Variants in JAK1 observed in about 807,000 individuals in gnomAD.
JAK1 encodes the protein tyrosine-protein kinase JAK1.
Under a neutral mutation model 136.6 loss-of-function variants are expected in JAK1, and 16 were observed. The observed-to-expected ratio is 0.12, with a 90% CI of 0.08 to 0.18. The LOEUF (loss-of-function observed/expected upper bound fraction) is 0.18, where lower values mean the gene tolerates loss of function less well. JAK1 is among the 10% of genes least tolerant of loss of function. The probability of loss-of-function intolerance (pLI) is 1.00; values close to 1 mark genes in which losing one functional copy is unlikely to be tolerated. For missense variants in JAK1, 859 were observed against 1,450.1 expected (o/e 0.59, Z 6.62); for synonymous variants, 492 against 519.5 (o/e 0.95, Z 0.72).
In JAK1 at chr1:65,043,141, G is replaced by A. The variant is rs148062008; in HGVS notation, c.-78+1339C>T. Among the ~76,000 whole-genome samples, 298 of 152,216 alleles carry A rather than the reference G, an allele frequency of 2.0e-3. 3 individuals carry two copies. Among genetic ancestry groups the A allele is most frequent in the African/African-American group, 6.2e-3 (258 of 41,526 alleles). On this transcript the variant is annotated intron_variant, in intron 2 of 25. Coordinates refer to the JAK1 transcript ENST00000671954. The stretch of plus-strand genomic sequence containing the variant: ...ATGAGACCTGCTGTTTATCCCAATC[G>A]CAGAAATATGAGGACTTGGAGTTAC...
At chr1:64,971,562 C>CT (rs34048219) in intron 2 of JAK1, among the ~76,000 whole-genome samples, 585 of 144,432 alleles carry the variant, frequency 4.1e-3, no homozygotes, top group Non-Finnish European at 5.6e-3. Context: ...CTCTGTCATA[C>CT]TTTTTTTTTT....
chr1:64,966,717 T>G (rs1569776347), upstream of JAK1, among the ~76,000 whole-genome samples: 3 of 134,388 alleles, frequency 2.2e-5, no homozygotes, highest in South Asian at 2.5e-4. Context: ...CCCATCCGGC[T>G]TCGCTCGCGA....
intron 1 of JAK1, among the ~76,000 whole-genome samples, chr1:64,892,347 C>T (rs978402281): frequency 3.9e-5 from 6 of 152,118 alleles, no homozygotes; most frequent in African/African-American, 1.2e-4. Context: ...GTGGCACAAT[C>T]ATGGCTCACT....
chr1:65,065,695 G>C (rs1648009784), intron 1 of JAK1, among the ~76,000 whole-genome samples: 1 of 147,636 alleles, frequency 6.8e-6, no homozygotes, highest in Non-Finnish European at 1.5e-5. Context: ...CGTTTTTTTT[G>C]GCGCTGGAAA....
rs940066597 is a variant in JAK1, at chr1:64,986,034, C to A, written c.-78+58446G>T. Reference sequence around the variant, plus strand: ...AGTGTTGTAGCCAAATTGGAAAGAGCCGATTGTAGCAATTGTGATGGCGAA... The same window carrying A: ...AGTGTTGTAGCCAAATTGGAAAGAGACGATTGTAGCAATTGTGATGGCGAA... On this transcript the variant is annotated intron_variant, in intron 2 of 25. Coordinates refer to the JAK1 transcript ENST00000671954. 3.0e-6 allele frequency: 4 copies of A among 1,338,352 alleles called. No individual in the cohort carries two copies. In the Admixed American group the frequency reaches 5.2e-5, roughly 17 times the overall value. The allele number at this position is 1,338,352 out of a possible 1,614,324, so 82.9% of individuals were successfully genotyped here. A position where few individuals can be genotyped will look rare whatever the true frequency, so the allele number is the denominator to read the frequency against.
chr1:65,065,725 G>A (rs560373823), intron 1 of JAK1, among the ~76,000 whole-genome samples: 1 of 150,692 alleles, frequency 6.6e-6, no homozygotes, highest in Non-Finnish European at 1.5e-5. Context: ...GGCCAGGGTG[G>A]GGCCTGGGGA....
chr1:65,023,907 T>C (rs1431664202), intron 2 of JAK1, among the ~76,000 whole-genome samples: 2 of 147,212 alleles, frequency 1.4e-5, no homozygotes, highest in Non-Finnish European at 3.0e-5. Context: ...TGGTTCTAGA[T>C]TCATCCTTTT....
intron 1 of JAK1, among the ~76,000 whole-genome samples, chr1:64,928,778 C>CAAAAAA (rs1183218798): frequency 0.013 from 805 of 61,118 alleles, 101 homozygotes; most frequent in Non-Finnish European, 0.022. Flanking sequence ...TAAAACTCTG[C>CAAAAAA]AAAAAAAAAA....
At chr1:64,985,535 T>C (rs966769989) in intron 2 of JAK1, 13 of 1,400,656 alleles carry the variant, frequency 9.3e-6, no homozygotes, top group African/African-American at 4.2e-5. Context: ...GAAAGCCTAA[T>C]AGCACAGGCC....
intron 2 of JAK1, among the ~76,000 whole-genome samples, chr1:64,986,768 T>C (rs1366289122): frequency 6.6e-6 from 1 of 151,888 alleles, no homozygotes; most frequent in East Asian, 1.9e-4. Context: ...CCCAGCTACT[T>C]GGGAGGCTGA....
chr1:64,901,000 A>G (rs1645096574), intron 1 of JAK1, among the ~76,000 whole-genome samples: 1 of 152,186 alleles, frequency 6.6e-6, no homozygotes. Context: ...TGAGGCGTTC[A>G]GAGAGTCCTG....
rs80262130 is a variant in JAK1, at chr1:64,918,010, G to A, written c.-77-31669C>T. On this transcript the variant is annotated intron_variant, in intron 1 of 24. Coordinates refer to ENST00000342505, the MANE Select transcript of JAK1 (RefSeq NM_002227.4). ...AGAGACCATGAAGCTCTTCTCCTGGGAGCCTTCATCTAGAGATGGCATCAC... is the reference window on the plus strand; with the variant it reads ...AGAGACCATGAAGCTCTTCTCCTGGAAGCCTTCATCTAGAGATGGCATCAC... Among the ~76,000 whole-genome samples the A allele has an allele frequency of 7.0e-3, 1,065 of 152,292 alleles. 5 individuals are homozygous for A. Among genetic ancestry groups the A allele is most frequent in the African/African-American group, 0.024 (1,012 of 41,548 alleles).
At chr1:65,022,504 G>A (rs1292934665) in intron 2 of JAK1, among the ~76,000 whole-genome samples, 1 of 152,110 alleles carries the variant, frequency 6.6e-6, no homozygotes, top group Admixed American at 6.5e-5. Context: ...AAACTGATCA[G>A]TAGGTAGTAA....
In JAK1 at chr1:64,883,465, A is replaced by T; in HGVS notation, c.17T>A (p.Ile6Lys). 6.2e-7 allele frequency: 1 copy of T among 1,613,668 alleles called. No individual in the cohort carries two copies. The highest frequency in any genetic ancestry group is 8.5e-7 in the Non-Finnish European group (1 of 1,179,668). The part of the protein sequence containing the change: MQYLN[I>K]KEDCNAMAFC... Reference sequence around the variant, plus strand: ...AGCCATGGCATTGCAGTCCTCTTTTATATTTAGATACTGTTGTGGAAGGAA... The same window carrying T: ...AGCCATGGCATTGCAGTCCTCTTTTTTATTTAGATACTGTTGTGGAAGGAA... The change falls in exon 3 of 25, where the codon ATA becomes AAA. Residue 6 changes from isoleucine (I) to lysine (K), a missense_variant. By Grantham distance (102) the Ile-to-Lys change is moderately radical. Coordinates refer to ENST00000342505, the MANE Select transcript of JAK1 (RefSeq NM_002227.4).
intron 2 of JAK1, among the ~76,000 whole-genome samples, chr1:65,028,730 A>T (rs1225158021): frequency 6.6e-6 from 1 of 152,218 alleles, no homozygotes; most frequent in Non-Finnish European, 1.5e-5. Context: ...ATACCATGTT[A>T]CATGTTTTTA....
intron 2 of JAK1, among the ~76,000 whole-genome samples, chr1:65,024,802 C>A (rs529963525): frequency 6.6e-6 from 1 of 151,966 alleles, no homozygotes; most frequent in South Asian, 2.1e-4. Context: ...CATGGTGAGA[C>A]CCCATTTCTA....
intron 1 of JAK1, among the ~76,000 whole-genome samples, chr1:64,921,861 C>G (rs1173395300): frequency 2.6e-5 from 4 of 151,964 alleles, no homozygotes; most frequent in Non-Finnish European, 1.5e-5. Flanking sequence ...CTTTCCATTT[C>G]CAACCAAGAA....
intron 3 of JAK1, 74 bp from the exon 4 acceptor site, chr1:64,879,222 A>G (rs1426928025): frequency 6.5e-7 from 1 of 1,548,210 alleles, no homozygotes; most frequent in Non-Finnish European, 8.9e-7. Context: ...AACCCAATAT[A>G]TGCAAAGATA....
chr1:65,051,810 C>G lies in JAK1; in HGVS notation c.-180-7228G>C, dbSNP rs556218003. On this transcript the variant is annotated intron_variant, in intron 1 of 25. Transcript: ENST00000671954. ...ATGGAAAATAAAATACAGTAATAGTCTAAATGCACAAAGCAACGTATAATC... is the reference window on the plus strand; with the variant it reads ...ATGGAAAATAAAATACAGTAATAGTGTAAATGCACAAAGCAACGTATAATC... Among the ~76,000 whole-genome samples, 6 of 152,294 alleles carry G rather than the reference C, an allele frequency of 3.9e-5. No individual in the cohort carries two copies. In the South Asian group the frequency reaches 1.2e-3, roughly 32 times the overall value.
Sources: allele counts gnomAD v4.1 joint callset (sites outside exome capture counted in the v4.1 genomes callset), GRCh38; gene constraint gnomAD v4.1.1; transcripts MANE v1.5; gene names NCBI Gene and HGNC (gene_info 2026-07-23, HGNC 2026-07-21).